Variants in BMP7 observed in about 807,000 individuals in gnomAD.
BMP7 encodes the protein osteogenic protein 1.
In BMP7, 12 loss-of-function variants were observed where a neutral mutation model predicts 41.2. The ratio of observed to expected loss-of-function variants is 0.29; its 90% CI spans 0.19 to 0.47. BMP7 has a LOEUF of 0.47. BMP7 is among the 20% of genes least tolerant of loss of function. The pLI, the probability that BMP7 is intolerant of heterozygous loss-of-function variation, is 0.99. For missense variants in BMP7, 467 were observed against 606.0 expected (o/e 0.77, Z 2.41); for synonymous variants, 248 against 250.0 (o/e 0.99, Z 0.07).
intron 2 of BMP7, among the ~76,000 whole-genome samples, chr20:57,223,493 G>A (rs1985239757): frequency 6.6e-6 from 1 of 152,174 alleles, no homozygotes; most frequent in Non-Finnish European, 1.5e-5. Flanking sequence ...GAGGGAATCA[G>A]CACTATGGGA....
chr20:57,176,568 G>C (rs887341397), intron 4 of BMP7, among the ~76,000 whole-genome samples: 15 of 152,056 alleles, frequency 9.9e-5, no homozygotes, highest in African/African-American at 2.9e-4. Context: ...CCAGGTCTTG[G>C]GGACTGCTCT....
chr20:57,174,643 G>C lies in BMP7; in HGVS notation c.1035+288C>G, dbSNP rs1452139177. Among the ~76,000 whole-genome samples the C allele has an allele frequency of 2.0e-5, 3 of 152,210 alleles. No individual in the cohort carries two copies. Among genetic ancestry groups the C allele is most frequent in the African/African-American group, 7.2e-5 (3 of 41,470 alleles). ...CAAACACACGGCCCGGCATCATCTT[G>C]AGAAGCAGCCAGCCAAGGGATGGGA... On this transcript the variant is annotated intron_variant, in intron 5 of 6. Coordinates refer to ENST00000395863, the MANE Select transcript of BMP7 (RefSeq NM_001719.3). The surrounding 1 kb of genome is among the most constrained non-coding windows in gnomAD (Gnocchi z 4.3).
At chr20:57,251,671 C>T (rs566158043) in intron 1 of BMP7, among the ~76,000 whole-genome samples, 5 of 152,270 alleles carry the variant, frequency 3.3e-5, no homozygotes, top group Admixed American at 1.3e-4. Context: ...CAGTGGCTCA[C>T]GCCTGTAATC....
intron 1 of BMP7, among the ~76,000 whole-genome samples, chr20:57,247,111 A>G (rs1282303910): frequency 2.0e-5 from 3 of 152,210 alleles, no homozygotes; most frequent in African/African-American, 7.2e-5. Context: ...ACACACCTCC[A>G]CACCCCAGCC....
At chr20:57,239,089 G>A (rs1312606389) in intron 1 of BMP7, among the ~76,000 whole-genome samples, 1 of 152,090 alleles carries the variant, frequency 6.6e-6, no homozygotes, top group African/African-American at 2.4e-5. Context: ...ACTCATTTCA[G>A]CATTAACTCA....
intron 3 of BMP7, among the ~76,000 whole-genome samples, chr20:57,193,967 G>A (rs897539618): frequency 3.9e-5 from 6 of 152,142 alleles, no homozygotes; most frequent in African/African-American, 1.4e-4. Flanking sequence ...TGGCTGGTGC[G>A]GACCCCACAG....
intron 1 of BMP7, among the ~76,000 whole-genome samples, chr20:57,241,946 CA>C (rs1400297976): frequency 1.3e-5 from 2 of 152,132 alleles, no homozygotes; most frequent in Non-Finnish European, 2.9e-5. Context: ...TAAAAAGACC[CA>C]GATGCCCGTA....
intron 5 of BMP7, among the ~76,000 whole-genome samples, chr20:57,173,829 G>A (rs746867923): frequency 3.9e-5 from 6 of 151,998 alleles, no homozygotes; most frequent in African/African-American, 1.5e-4. Context: ...TCCATGCCTC[G>A]GTTTGCCCAC....
At chr20:57,218,243 T>C (rs1167719646) in intron 2 of BMP7, among the ~76,000 whole-genome samples, 1 of 152,226 alleles carries the variant, frequency 6.6e-6, no homozygotes, top group Non-Finnish European at 1.5e-5. Context: ...TTTTTAAACA[T>C]TCATGATGAA....
chr20:57,214,733 T>A lies in BMP7; in HGVS notation c.612-12110A>T, dbSNP rs1984973232. 6.6e-6 allele frequency: 1 copy of A among 152,322 alleles called. No homozygotes were observed. The highest frequency in any genetic ancestry group is 1.5e-5 in the Non-Finnish European group (1 of 68,060). 9.4% of individuals were successfully genotyped at this position (152,322 alleles called of 1,614,324 possible). ...GGACACGCTCCAAGCCCAAGTCCTCTCCCCTGCGCCATCTGGGCTGGAGTT... is the reference window on the plus strand; with the variant it reads ...GGACACGCTCCAAGCCCAAGTCCTCACCCCTGCGCCATCTGGGCTGGAGTT... On this transcript the variant is annotated intron_variant, in intron 2 of 6. Transcript: ENST00000395863. This position sits in a 1 kb window ranked among gnomAD's most constrained non-coding sequence, Gnocchi z 4.0.
At chr20:57,246,364 G>A (rs1427897534) in intron 1 of BMP7, among the ~76,000 whole-genome samples, 1 of 152,194 alleles carries the variant, frequency 6.6e-6, no homozygotes, top group East Asian at 1.9e-4. Flanking sequence ...CAGAAACTTT[G>A]ATAAGCAAAG....
chr20:57,228,082 C>T lies in BMP7; in HGVS notation c.611+147G>A. ...CATGGTTTTAAGGAAGTGACATACA[C>T]CATACACCTTCTTTAGAAGGGATAA... is the stretch of plus-strand genomic sequence containing the variant. On this transcript the variant is annotated intron_variant, in intron 2 of 6. Transcript: ENST00000395863. The surrounding 1 kb of genome is among the most constrained non-coding windows in gnomAD (Gnocchi z 4.5). 2 of 934,836 alleles carry T rather than the reference C, an allele frequency of 2.1e-6. No homozygotes were observed. The highest frequency in any genetic ancestry group is 2.4e-5 in the East Asian group (1 of 41,596). 57.9% of individuals were successfully genotyped at this position (934,836 alleles called of 1,614,324 possible).
chr20:57,246,944 G>T (rs992119441), intron 1 of BMP7, among the ~76,000 whole-genome samples: 3 of 152,058 alleles, frequency 2.0e-5, no homozygotes, highest in African/African-American at 7.2e-5. Context: ...AGCCAAGATT[G>T]TACCACTGCA....
At chr20:57,188,620 A>G in intron 3 of BMP7, among the ~76,000 whole-genome samples, 1 of 152,174 alleles carries the variant, frequency 6.6e-6, no homozygotes, top group Non-Finnish European at 1.5e-5. Context: ...ATTAGATCTC[A>G]CATTTTTTAA....
chr20:57,199,312 C>T (rs997284670), intron 3 of BMP7, among the ~76,000 whole-genome samples: 2 of 152,190 alleles, frequency 1.3e-5, no homozygotes, highest in East Asian at 1.9e-4. Flanking sequence ...CCCTAGGCAC[C>T]GTGCACGACT....
chr20:57,219,986 C>A (rs1394611734), intron 2 of BMP7, among the ~76,000 whole-genome samples: 1 of 152,150 alleles, frequency 6.6e-6, no homozygotes, highest in Admixed American at 6.5e-5. Context: ...AGACCTGTAC[C>A]AAGGATCCAG....
At chr20:57,184,369 G>C (rs1352000702) in intron 3 of BMP7, among the ~76,000 whole-genome samples, 1 of 152,220 alleles carries the variant, frequency 6.6e-6, no homozygotes, top group Admixed American at 6.5e-5. Flanking sequence ...TCTGAGCAGA[G>C]ATCTGGGTAA....
intron 3 of BMP7, among the ~76,000 whole-genome samples, chr20:57,190,734 T>C (rs1984337260): frequency 6.6e-6 from 1 of 152,064 alleles, no homozygotes; most frequent in Non-Finnish European, 1.5e-5. Flanking sequence ...CCTGGGATCC[T>C]CACACATACT....
chr20:57,212,305 A>C (rs1275368529), intron 2 of BMP7, among the ~76,000 whole-genome samples: 2 of 152,230 alleles, frequency 1.3e-5, no homozygotes, highest in African/African-American at 4.8e-5. Flanking sequence ...CCGAATGCGG[A>C]AGTCATGATG....
Sources: allele counts gnomAD v4.1 joint callset (sites outside exome capture counted in the v4.1 genomes callset), GRCh38; gene constraint gnomAD v4.1.1; non-coding constraint Gnocchi (gnomAD v3.1); transcripts MANE v1.5; gene names NCBI Gene and HGNC (gene_info 2026-07-23, HGNC 2026-07-21).